FAM81B: variants seen among roughly 807,000 people sequenced by gnomAD.
FAM81B encodes family with sequence similarity 81 member B.
FAM81B carries 60 observed loss-of-function variants against 58.7 expected under a neutral mutation model. That is an observed-to-expected ratio of 1.02 (90% CI 0.83 to 1.27). The LOEUF (loss-of-function observed/expected upper bound fraction) is 1.27. FAM81B is among the 50% of genes most tolerant of loss of function. FAM81B has a pLI of 0.00. For missense variants in FAM81B, 491 were observed against 522.0 expected (o/e 0.94, Z 0.58); for synonymous variants, 189 against 179.6 (o/e 1.05, Z -0.42).
At chr5:95,434,334 C>T (rs577973980) in intron 6 of FAM81B, among the ~76,000 whole-genome samples, 18 of 152,250 alleles carry the variant, frequency 1.2e-4, no homozygotes, top group Admixed American at 9.2e-4. Context: ...GGTCCTTGCT[C>T]CAGAGGCCGC....
chr5:95,419,607 A>ACCC (rs1762625666), intron 4 of FAM81B, among the ~76,000 whole-genome samples: 1 of 152,220 alleles, frequency 6.6e-6, no homozygotes, highest in South Asian at 2.1e-4. Flanking sequence ...GTGGTACAAG[A>ACCC]AAGTCAGTTC....
At chr5:95,445,042 G>T (rs1745502332) in intron 7 of FAM81B, among the ~76,000 whole-genome samples, 5 of 152,168 alleles carry the variant, frequency 3.3e-5, no homozygotes, top group Admixed American at 3.3e-4. Flanking sequence ...ACTGCCCCCA[G>T]TTGAAAGCTA....
At chr5:95,406,915 A>G (rs1286109115) in intron 3 of FAM81B, among the ~76,000 whole-genome samples, 1 of 152,028 alleles carries the variant, frequency 6.6e-6, no homozygotes, top group Non-Finnish European at 1.5e-5. Flanking sequence ...TTTAGCTCCC[A>G]TGTTCTCACT....
At chr5:95,431,267 TATCTC>T (rs1744877198) in intron 6 of FAM81B, among the ~76,000 whole-genome samples, 1 of 152,096 alleles carries the variant, frequency 6.6e-6, no homozygotes, top group Non-Finnish European at 1.5e-5. Flanking sequence ...GAATTCTTCA[TATCTC>T]TTCAGGCACT....
chr5:95,440,317 C>T, intron 7 of FAM81B: 1 of 983,654 alleles, frequency 1.0e-6, no homozygotes, highest in South Asian at 1.3e-5. Flanking sequence ...ACTAAAAATG[C>T]AGAACCATTG....
chr5:95,444,943 T>A lies in FAM81B; in HGVS notation c.894-1619T>A, dbSNP rs975926706. On this transcript the variant is annotated intron_variant, in intron 7 of 9. Coordinates refer to ENST00000283357, the MANE Select transcript of FAM81B (RefSeq NM_152548.3). ...GCATCTCTAGTGTCTACCCACTAGATGCCAGTAACACCTCTCAGTTGTGAC... is the reference window on the plus strand; with the variant it reads ...GCATCTCTAGTGTCTACCCACTAGAAGCCAGTAACACCTCTCAGTTGTGAC... Among the ~76,000 whole-genome samples the A allele has an allele frequency of 7.6e-4, 116 of 152,256 alleles. 1 individual carries two copies. Among genetic ancestry groups the A allele is most frequent in the African/African-American group, 2.8e-3 (115 of 41,542 alleles).
intron 3 of FAM81B, among the ~76,000 whole-genome samples, chr5:95,407,307 C>A (rs867311262): frequency 6.6e-6 from 1 of 150,734 alleles, no homozygotes; most frequent in African/African-American, 2.5e-5. Context: ...CATCTGCCAG[C>A]TCAGGCAATC....
At chr5:95,427,421 C>G (rs1385860095) in intron 5 of FAM81B, among the ~76,000 whole-genome samples, 2 of 152,088 alleles carry the variant, frequency 1.3e-5, no homozygotes, top group African/African-American at 4.8e-5. Context: ...ATTTTTTCTC[C>G]CAGCAGCTTC....
chr5:95,449,362 T>C (rs1745706036), intron 9 of FAM81B, among the ~76,000 whole-genome samples: 2 of 152,196 alleles, frequency 1.3e-5, no homozygotes, highest in Admixed American at 1.3e-4. Flanking sequence ...CCAGGAATCA[T>C]GTCCCAAACT....
intron 4 of FAM81B, among the ~76,000 whole-genome samples, chr5:95,417,264 G>T (rs1762562248): frequency 6.6e-6 from 1 of 152,082 alleles, no homozygotes; most frequent in African/African-American, 2.4e-5. Context: ...TGCCAGAATT[G>T]AAATTTATCA....
At chr5:95,436,012 A>C (rs1312419448) in intron 6 of FAM81B, among the ~76,000 whole-genome samples, 1 of 152,130 alleles carries the variant, frequency 6.6e-6, no homozygotes, top group African/African-American at 2.4e-5. Context: ...ACTCTCCTCC[A>C]TATGACCGTC....
chr5:95,432,436 T>G (rs1372201822), intron 6 of FAM81B, among the ~76,000 whole-genome samples: 2 of 152,138 alleles, frequency 1.3e-5, no homozygotes, highest in Non-Finnish European at 2.9e-5. Context: ...TCTGAAACAG[T>G]TTAAAGAGTA....
At chr5:95,415,058 T>A (rs1561298817) in intron 4 of FAM81B, among the ~76,000 whole-genome samples, 1 of 152,080 alleles carries the variant, frequency 6.6e-6, no homozygotes, top group Admixed American at 6.6e-5. Context: ...ATAAATTAAT[T>A]AATTTTAAGG....
intron 3 of FAM81B, among the ~76,000 whole-genome samples, chr5:95,400,120 A>G (rs1010434995): frequency 2.0e-5 from 3 of 152,150 alleles, no homozygotes; most frequent in Non-Finnish European, 4.4e-5. Context: ...AATTCCTTAC[A>G]TTTCTCCTGG....
chr5:95,404,532 C>T (rs1473243617), intron 3 of FAM81B, among the ~76,000 whole-genome samples: 3 of 151,780 alleles, frequency 2.0e-5, no homozygotes, highest in African/African-American at 7.3e-5. Context: ...AGAATCTCAC[C>T]CAGGCTGAGA....
chr5:95,421,419 G>A (rs1366986800), intron 5 of FAM81B, among the ~76,000 whole-genome samples: 1 of 152,208 alleles, frequency 6.6e-6, no homozygotes. Flanking sequence ...AGAACTGAGG[G>A]AAGGATCACT....
intron 7 of FAM81B, 129 bp from the exon 8 acceptor site, chr5:95,446,433 A>T: frequency 1.1e-6 from 1 of 920,284 alleles, no homozygotes; most frequent in Non-Finnish European, 1.6e-6. Flanking sequence ...GGCACCTCCC[A>T]CATCACCCCA....
chr5:95,422,869 G>A (rs775673682), intron 5 of FAM81B, among the ~76,000 whole-genome samples: 6 of 152,120 alleles, frequency 3.9e-5, no homozygotes, highest in Admixed American at 2.0e-4. Flanking sequence ...CTCTGCTTGC[G>A]TTTTGCTTAC....
At chr5:95,395,364 A>G (rs1761937974) in intron 2 of FAM81B, among the ~76,000 whole-genome samples, 1 of 146,434 alleles carries the variant, frequency 6.8e-6, no homozygotes, top group East Asian at 2.1e-4. Flanking sequence ...ACTGGTGTGA[A>G]CCCGGGAGGC....
Sources: allele counts gnomAD v4.1 joint callset (sites outside exome capture counted in the v4.1 genomes callset), GRCh38; gene constraint gnomAD v4.1.1; transcripts MANE v1.5; gene names NCBI Gene and HGNC (gene_info 2026-07-23, HGNC 2026-07-21).